The following PARVA variants were observed in gnomAD, a reference collection of about 807,000 sequenced individuals.
The protein encoded by PARVA is alpha-parvin.
Under a neutral mutation model 52.6 loss-of-function variants are expected in PARVA, and 25 were observed. That is an observed-to-expected ratio of 0.48 (90% CI 0.35 to 0.66). The LOEUF is 0.66. Among genes scored for constraint, PARVA ranks in the 30% least tolerant of loss-of-function variants. PARVA has a pLI of 0.01. For missense variants in PARVA, 373 were observed against 450.9 expected (o/e 0.83, Z 1.56); for synonymous variants, 185 against 179.1 (o/e 1.03, Z -0.26).
chr11:12,378,240 A>G (rs998149522), intron 1 of PARVA, among the ~76,000 whole-genome samples: 2 of 152,200 alleles, frequency 1.3e-5, no homozygotes, highest in Non-Finnish European at 2.9e-5. Context: ...CGTTGCCTTC[A>G]TTGGTCCTTA....
In PARVA at chr11:12,532,282, A is replaced by ATGTT. The variant is rs1941780866; in HGVS notation, c.*4359_*4362dup. Reference sequence around the variant, plus strand: ...ATGAAAAAAAAAGTCACGTTTAAATATGTTTAGGAAACATGAGGTGAAGAA... The same window carrying ATGTT: ...ATGAAAAAAAAAGTCACGTTTAAATATGTTTGTTTAGGAAACATGAGGTGAAGAA... On this transcript the variant is annotated 3_prime_UTR_variant, in exon 13 of 13. Transcript: ENST00000334956. Among the ~76,000 whole-genome samples the ATGTT allele has an allele frequency of 6.6e-6, 1 of 152,208 alleles. No homozygotes were observed. Among genetic ancestry groups the ATGTT allele is most frequent in the South Asian group, 2.1e-4 (1 of 4,832 alleles).
chr11:12,410,371 C>G (rs867318255), intron 1 of PARVA, among the ~76,000 whole-genome samples: 1 of 152,238 alleles, frequency 6.6e-6, no homozygotes, highest in Non-Finnish European at 1.5e-5. Flanking sequence ...CCTTTCCCCC[C>G]GGCAGGGACT....
chr11:12,464,657 C>T (rs1372087953), intron 1 of PARVA, among the ~76,000 whole-genome samples: 1 of 152,134 alleles, frequency 6.6e-6, no homozygotes, highest in Non-Finnish European at 1.5e-5. Context: ...ATCCTTGGGT[C>T]CTCTAACCTT....
intron 12 of PARVA, among the ~76,000 whole-genome samples, chr11:12,523,439 C>T (rs1314733408): frequency 2.6e-5 from 4 of 152,126 alleles, no homozygotes; most frequent in African/African-American, 7.2e-5. Context: ...TTCAGCAGTG[C>T]CTTGGGATGA....
chr11:12,504,716 G>A lies in PARVA; in HGVS notation c.657+287G>A, dbSNP rs75386289. Among the ~76,000 whole-genome samples, 137 of 143,076 alleles carry A rather than the reference G, an allele frequency of 9.6e-4. No individual in the cohort carries two copies. The Middle Eastern group carries it at 0.029, about 30-fold the overall frequency. The allele number at this position is 143,076 out of a possible 152,430, so 93.9% of individuals were successfully genotyped here. On this transcript the variant is annotated intron_variant, in intron 6 of 12. Coordinates refer to ENST00000334956, the MANE Select transcript of PARVA (RefSeq NM_018222.5). ...TGAGTTTTCTGTGTAATGTGTAGATGAGGGTGTGCGGTATGTATGTGAGCT... is the reference window on the plus strand; with the variant it reads ...TGAGTTTTCTGTGTAATGTGTAGATAAGGGTGTGCGGTATGTATGTGAGCT...
Position 12,504,302 on chromosome 11 carries a change from C to T in PARVA, c.542-12C>T. On this transcript the variant is annotated splice_polypyrimidine_tract_variant and intron_variant, in intron 5 of 12. Transcript: ENST00000334956. ...GAAGATGCTGTAATTTTTCAATCTT[C>T]TTTCATTTCAGCTGTTCATGCCAAG... The T allele has an allele frequency of 6.6e-7, 1 of 1,523,464 alleles. No individual in the cohort carries two copies. The highest frequency in any genetic ancestry group is 9.1e-7 in the Non-Finnish European group (1 of 1,098,726). The allele number at this position is 1,523,464 out of a possible 1,614,324, so 94.4% of individuals were successfully genotyped here.
Position 12,521,421 on chromosome 11 carries a change from A to T in PARVA, c.1042+2904A>T, listed in dbSNP as rs138691661. Among the ~76,000 whole-genome samples the T allele has an allele frequency of 1.6e-3, 251 of 152,376 alleles. 2 individuals are homozygous for T. The highest frequency in any genetic ancestry group is 5.9e-3 in the African/African-American group (244 of 41,592). ...GAAACTGCTGGTGTTCTAAATTGCT[A>T]GAACCATTTTATTTTTATTCAGTCC... On this transcript the variant is annotated intron_variant, in intron 12 of 12. Transcript: ENST00000334956.
At position 12,508,577 on chromosome 11, in the gene PARVA, A is replaced by C. The variant is rs758185521; in HGVS notation, c.658-7A>C. The stretch of plus-strand genomic sequence containing the variant: ...CCTCCCAACCCCTTTCCCCACCCCC[A>C]TTTCAGAAACGAGAAGGAATCCTCC... On this transcript the variant is annotated splice_region_variant and splice_polypyrimidine_tract_variant and intron_variant, in intron 6 of 12. Transcript: ENST00000334956. 2.5e-6 allele frequency: 4 copies of C among 1,605,098 alleles called. No homozygotes were observed. In the African/African-American group the frequency reaches 5.4e-5, roughly 22 times the overall value.
chr11:12,508,509 C>G (rs912816335), intron 6 of PARVA, 75 bp from the exon 7 acceptor site: 4 of 985,680 alleles, frequency 4.1e-6, no homozygotes, highest in Non-Finnish European at 6.6e-6. Flanking sequence ...CAGGAATGCT[C>G]ATCAGTGTTT....
intron 1 of PARVA, among the ~76,000 whole-genome samples, chr11:12,405,553 G>A (rs192472190): frequency 1.7e-4 from 26 of 152,058 alleles, no homozygotes; most frequent in African/African-American, 5.3e-4. Flanking sequence ...GACAGAGTGA[G>A]ACCCTGTCTC....
Position 12,522,128 on chromosome 11 carries a change from C to T in PARVA, c.1042+3611C>T, listed in dbSNP as rs115122862. Among the ~76,000 whole-genome samples the T allele has an allele frequency of 4.5e-3, 693 of 152,328 alleles. 5 individuals carry two copies. Among genetic ancestry groups the T allele is most frequent in the African/African-American group, 0.016 (654 of 41,576 alleles). On this transcript the variant is annotated intron_variant, in intron 12 of 12. Coordinates refer to ENST00000334956, the MANE Select transcript of PARVA (RefSeq NM_018222.5). ...CCATTCATAGGTACGTATGTCCATA[C>T]ACCAGGAGACAAGCCCAAGAATACC...
At position 12,508,635 on chromosome 11, in the gene PARVA, A is replaced by T; in HGVS notation, c.709A>T (p.Asn237Tyr). 2 of 1,605,956 alleles carry T rather than the reference A, an allele frequency of 1.2e-6. No homozygotes were observed. Among genetic ancestry groups the T allele is most frequent in the Non-Finnish European group, 1.7e-6 (2 of 1,175,032 alleles). ...SRQIQEEITG[N>Y]TEALSGRHER... is the part of the protein sequence containing the mutation. ...GCAAATCCAAGAGGAAATAACTGGTAACACAGAGTATGTCAACACCATTGT... is the reference window on the plus strand; with the variant it reads ...GCAAATCCAAGAGGAAATAACTGGTTACACAGAGTATGTCAACACCATTGT... The change falls in exon 7 of 13, where the codon AAC becomes TAC. Residue 237 changes from asparagine (N) to tyrosine (Y), a missense_variant. Coordinates refer to ENST00000334956, the MANE Select transcript of PARVA (RefSeq NM_018222.5).
intron 1 of PARVA, among the ~76,000 whole-genome samples, chr11:12,465,863 G>A (rs1940847423): frequency 6.6e-6 from 1 of 152,176 alleles, no homozygotes; most frequent in African/African-American, 2.4e-5. Flanking sequence ...CAAATCAGTT[G>A]GGTAAATACC....
intron 1 of PARVA, among the ~76,000 whole-genome samples, chr11:12,388,919 GTACTT>G (rs1192916012): frequency 2.0e-5 from 3 of 151,864 alleles, no homozygotes; most frequent in Non-Finnish European, 4.4e-5. Flanking sequence ...AAAATTCAGG[GTACTT>G]TACTTTGGGT....
chr11:12,384,181 C>T (rs1227775025), intron 1 of PARVA, among the ~76,000 whole-genome samples: 4 of 152,146 alleles, frequency 2.6e-5, no homozygotes, highest in Non-Finnish European at 4.4e-5. Flanking sequence ...GCCACTCTGT[C>T]GCCCTGACGT....
rs202204134 is a variant in PARVA at position 12,513,366 on chromosome 11, A to C, written c.798+6A>C. 8 of 1,613,014 alleles carry C rather than the reference A, an allele frequency of 5.0e-6. No homozygotes were observed. The highest frequency in any genetic ancestry group is 6.8e-6 in the Non-Finnish European group (8 of 1,179,092). On this transcript the variant is annotated splice_donor_region_variant and intron_variant, in intron 9 of 12. Transcript: ENST00000334956. The stretch of plus-strand genomic sequence containing the variant: ...AGCTGAATGTGGTGAAAAAGGTGGG[A>C]AAGGGGTGCCTGGGATGGACAGAGG...
At position 12,531,737 on chromosome 11, in the gene PARVA, G is replaced by A. The variant is rs564129802; in HGVS notation, c.*3812G>A. ...AAATCTTCACTAATTCCAAGATTGCGTGTCATTTCCCCCAAAAATTTGCTT... is the reference window on the plus strand; with the variant it reads ...AAATCTTCACTAATTCCAAGATTGCATGTCATTTCCCCCAAAAATTTGCTT... On this transcript the variant is annotated 3_prime_UTR_variant, in exon 13 of 13. Coordinates refer to ENST00000334956, the MANE Select transcript of PARVA (RefSeq NM_018222.5). Among the ~76,000 whole-genome samples, 9 of 151,364 alleles carry A rather than the reference G, an allele frequency of 5.9e-5. No individual in the cohort carries two copies. The highest frequency in any genetic ancestry group is 4.2e-4 in the South Asian group (2 of 4,756).
intron 10 of PARVA, among the ~76,000 whole-genome samples, chr11:12,514,836 CTCTG>C (rs1382986521): frequency 6.6e-6 from 1 of 152,236 alleles, no homozygotes; most frequent in Non-Finnish European, 1.5e-5. Flanking sequence ...AGAAAAAACA[CTCTG>C]TTCAGATTTT....
At chr11:12,425,874 T>G (rs1048067967) in intron 1 of PARVA, among the ~76,000 whole-genome samples, 5 of 152,264 alleles carry the variant, frequency 3.3e-5, no homozygotes, top group Non-Finnish European at 7.3e-5. Context: ...CAGTAAAATC[T>G]GTGGCCAAGG....
Sources: allele counts gnomAD v4.1 joint callset (sites outside exome capture counted in the v4.1 genomes callset), GRCh38; gene constraint gnomAD v4.1.1; transcripts MANE v1.5; gene names NCBI Gene and HGNC (gene_info 2026-07-23, HGNC 2026-07-21).